Variants in CELF2 observed in about 807,000 individuals in gnomAD.
CELF2 encodes the protein CUG triplet repeat RNA-binding protein 2.
CELF2 carries 8 observed loss-of-function variants against 62.6 expected under a neutral mutation model. That is an observed-to-expected ratio of 0.13 (90% CI 0.07 to 0.23). CELF2 has a LOEUF of 0.23. Among genes scored for constraint, CELF2 ranks in the 10% least tolerant of loss-of-function variants. The pLI, the probability that CELF2 is intolerant of heterozygous loss-of-function variation, is 1.00. For missense variants in CELF2, 333 were observed against 671.0 expected, an observed-to-expected ratio of 0.50 and a Z score of 5.56; for synonymous variants, 258 against 250.0, an observed-to-expected ratio of 1.03 and a Z score of -0.30.
Position 11,269,163 on chromosome 10 carries a change from A to C in CELF2, c.619-1503A>C, listed in dbSNP as rs1043209297. On this transcript the variant is annotated intron_variant, in intron 6 of 12. Coordinates refer to ENST00000633077, the MANE Select transcript of CELF2 (RefSeq NM_001326342.2). The surrounding 1 kb of genome is among the most constrained non-coding windows in gnomAD (Gnocchi z 4.4). ...AAGTATGTTGCTCTCTTTTAAGTGA[A>C]GTACTGAAACATGGAACAGATACAG... Among the ~76,000 whole-genome samples the C allele has an allele frequency of 5.3e-5, 8 of 152,212 alleles. No individual in the cohort carries two copies. The highest frequency in any genetic ancestry group is 1.2e-4 in the Non-Finnish European group (8 of 68,034).
chr10:11,003,444 G>T (rs1036137837), upstream of CELF2, among the ~76,000 whole-genome samples: 1 of 152,294 alleles, frequency 6.6e-6, no homozygotes, highest in Admixed American at 6.5e-5. This position sits in a 1 kb window ranked among gnomAD's most constrained non-coding sequence, Gnocchi z 4.4. Flanking sequence ...TCCGAGCAGC[G>T]TATTTTTACT....
chr10:11,107,872 C>T (rs975042786), intron 1 of CELF2, among the ~76,000 whole-genome samples: 12 of 78,702 alleles, frequency 1.5e-4, no homozygotes, highest in Non-Finnish European at 2.8e-4. Flanking sequence ...CTACCATCTC[C>T]TCCCTTCTCC....
At chr10:10,882,172 C>T (rs1202937060) in intron 1 of CELF2, among the ~76,000 whole-genome samples, 1 of 152,138 alleles carries the variant, frequency 6.6e-6, no homozygotes, top group Non-Finnish European at 1.5e-5. Flanking sequence ...TCTTGTGACT[C>T]ATGATTTCAT....
chr10:10,733,966 C>A, the CELF2 span, among the ~76,000 whole-genome samples: 2 of 152,140 alleles, frequency 1.3e-5, no homozygotes, highest in African/African-American at 2.4e-5. Context: ...GTGAACACCT[C>A]TTTAAAATGA....
chr10:11,190,585 G>A (rs1300527586), intron 2 of CELF2, among the ~76,000 whole-genome samples: 3 of 150,978 alleles, frequency 2.0e-5, no homozygotes, highest in Non-Finnish European at 4.4e-5. Flanking sequence ...GTAACTCCCA[G>A]TAGGAAAGAT....
chr10:10,702,793 C>T, the CELF2 span, among the ~76,000 whole-genome samples: 1 of 152,206 alleles, frequency 6.6e-6, no homozygotes, highest in Non-Finnish European at 1.5e-5. Context: ...GCCATGTTGG[C>T]CACACTGGTC....
chr10:11,251,805 G>A (rs1436526467), intron 4 of CELF2, among the ~76,000 whole-genome samples: 3 of 152,180 alleles, frequency 2.0e-5, no homozygotes, highest in Admixed American at 6.5e-5. Flanking sequence ...CCGGCACGTA[G>A]CAAGTATCCA....
chr10:11,093,541 A>G (rs2048923523), intron 1 of CELF2, among the ~76,000 whole-genome samples: 1 of 152,236 alleles, frequency 6.6e-6, no homozygotes, highest in Non-Finnish European at 1.5e-5. Context: ...CCGTAATTGT[A>G]GCAAATCACT....
At chr10:10,489,168 C>T in the CELF2 span, among the ~76,000 whole-genome samples, 2 of 152,102 alleles carry the variant, frequency 1.3e-5, no homozygotes, top group African/African-American at 4.8e-5. Flanking sequence ...AAAAACTTCC[C>T]ATAACCTACA....
the CELF2 span, among the ~76,000 whole-genome samples, chr10:10,661,350 T>C: frequency 8.5e-5 from 13 of 152,248 alleles, no homozygotes; most frequent in Non-Finnish European, 1.8e-4. Flanking sequence ...GCTCATGCTC[T>C]TTATTGCTGA....
chr10:10,830,294 A>AAAG (rs1253193375), intron 1 of CELF2, among the ~76,000 whole-genome samples: 4 of 151,646 alleles, frequency 2.6e-5, no homozygotes, highest in Non-Finnish European at 4.4e-5. Flanking sequence ...AAAAAAAAAA[A>AAAG]AAAGCCGACA....
intron 1 of CELF2, among the ~76,000 whole-genome samples, chr10:11,047,520 G>C (rs1202924229): frequency 6.6e-6 from 1 of 152,162 alleles, no homozygotes; most frequent in East Asian, 1.9e-4. Flanking sequence ...TGATGCTGCT[G>C]TTCTGCAGAA....
Position 11,306,476 on chromosome 10 carries a change from T to C in CELF2, c.977-7663T>C, listed in dbSNP as rs2094218671. Among the ~76,000 whole-genome samples, 1 of 152,098 alleles carries C rather than the reference T, an allele frequency of 6.6e-6. No homozygotes were observed. Among genetic ancestry groups the C allele is most frequent in the African/African-American group, 2.4e-5 (1 of 41,416 alleles). On this transcript the variant is annotated intron_variant, in intron 9 of 12. Transcript: ENST00000633077. This position sits in a 1 kb window ranked among gnomAD's most constrained non-coding sequence, Gnocchi z 4.4. ...CTAAGACCTCTTTCTCAATTGTGCA[T>C]CTGCTGAACGGTCAGTCTTTAGGTA...
intron 1 of CELF2, among the ~76,000 whole-genome samples, chr10:10,811,480 G>T (rs374110173): frequency 6.6e-6 from 1 of 152,034 alleles, no homozygotes; most frequent in Non-Finnish European, 1.5e-5. Flanking sequence ...CCACAGAGAT[G>T]GGGGGAGAGG....
rs186852486 is a variant in CELF2 at position 11,300,680 on chromosome 10, C to G, written c.976+12128C>G. 1.3e-5 allele frequency among the ~76,000 whole-genome samples: 2 copies of G among 152,264 alleles called. No individual in the cohort carries two copies. Among genetic ancestry groups the G allele is most frequent in the Admixed American group, 6.5e-5 (1 of 15,300 alleles). On this transcript the variant is annotated intron_variant, in intron 9 of 12. Transcript: ENST00000633077. The surrounding 1 kb of genome is among the most constrained non-coding windows in gnomAD (Gnocchi z 5.5). ...CCAGGGTTGTGATTGGCTAGTAATG[C>G]TAGTGCCTGTGTCATGGCTTAATTA...
intron 1 of CELF2, among the ~76,000 whole-genome samples, chr10:10,850,558 A>G (rs1236479356): frequency 6.6e-6 from 1 of 152,244 alleles, no homozygotes; most frequent in African/African-American, 2.4e-5. Context: ...GGATCTCATA[A>G]TACGAGAAAT....
intron 10 of CELF2, chr10:11,320,931 G>T: frequency 6.5e-7 from 1 of 1,548,240 alleles, no homozygotes. Flanking sequence ...ATGGCATTGA[G>T]CTGTCTCGTC....
At chr10:11,179,951 A>C (rs1404747307) in intron 2 of CELF2, among the ~76,000 whole-genome samples, 1 of 152,128 alleles carries the variant, frequency 6.6e-6, no homozygotes, top group Admixed American at 6.5e-5. Flanking sequence ...CCTAAACCAA[A>C]AAATGTTCAC....
intron 1 of CELF2, among the ~76,000 whole-genome samples, chr10:10,854,585 A>G (rs2059592789): frequency 6.6e-6 from 1 of 151,984 alleles, no homozygotes; most frequent in Admixed American, 6.6e-5. Flanking sequence ...ACAGGATTAA[A>G]TGAACTGTGT....
Sources: allele counts gnomAD v4.1 joint callset (sites outside exome capture counted in the v4.1 genomes callset), GRCh38; gene constraint gnomAD v4.1.1; non-coding constraint Gnocchi (gnomAD v3.1); transcripts MANE v1.5; gene names NCBI Gene and HGNC (gene_info 2026-07-23, HGNC 2026-07-21).